Variants in DHX37 observed in about 807,000 individuals in gnomAD.
The protein encoded by DHX37 is DEAH-box helicase 37, also known as probable ATP-dependent RNA helicase DHX37.
DHX37 carries 52 observed loss-of-function variants against 134.3 expected under a neutral mutation model. That is an observed-to-expected ratio of 0.39 (90% CI 0.31 to 0.49). The LOEUF is 0.49. Ranked by LOEUF, DHX37 falls within the 20% of genes least tolerant of loss-of-function variation. The pLI is 0.93. For missense variants in DHX37, 1,344 were observed against 1,580.8 expected, an observed-to-expected ratio of 0.85 and a Z score of 2.54; for synonymous variants, 634 against 670.7, an observed-to-expected ratio of 0.95 and a Z score of 0.85.
chr12:124,952,017 G>GC (rs1163283011), intron 21 of DHX37, among the ~76,000 whole-genome samples: 2 of 151,970 alleles, frequency 1.3e-5, no homozygotes, highest in East Asian at 3.9e-4. Flanking sequence ...GTGGTGGTGT[G>GC]CCCCCTGCAG....
Position 124,947,374 on chromosome 12 carries a change from A to C in DHX37, c.*428T>G. 6.4e-6 allele frequency: 1 copy of C among 157,470 alleles called. No individual in the cohort carries two copies. Among genetic ancestry groups the C allele is most frequent in the East Asian group, 1.9e-4 (1 of 5,326 alleles). 9.8% of individuals were successfully genotyped at this position (157,470 alleles called of 1,614,324 possible). Reference sequence around the variant, plus strand: ...TAACATCTGGGACGGCTGTGAGGCCAGGGCTGGGCAGCCCTCCCTGACTCT... The same window carrying C: ...TAACATCTGGGACGGCTGTGAGGCCCGGGCTGGGCAGCCCTCCCTGACTCT... On this transcript the variant is annotated 3_prime_UTR_variant, in exon 27 of 27. Coordinates refer to ENST00000308736, the MANE Select transcript of DHX37 (RefSeq NM_032656.4).
chr12:124,986,361 C>G, intron 1 of DHX37, 96 bp from the exon 2 acceptor site: 1 of 1,347,354 alleles, frequency 7.4e-7, no homozygotes, highest in Admixed American at 2.1e-5. Flanking sequence ...CCTCCTGAGT[C>G]TGCACACAGG....
At chr12:124,981,274 A>G (rs1344048316) in intron 3 of DHX37, among the ~76,000 whole-genome samples, 3 of 152,092 alleles carry the variant, frequency 2.0e-5, no homozygotes, top group African/African-American at 7.2e-5. Context: ...ATAAACAGTC[A>G]CTAACTGACA....
At chr12:124,987,171 C>A (rs1271417649) in intron 1 of DHX37, among the ~76,000 whole-genome samples, 11 of 152,196 alleles carry the variant, frequency 7.2e-5, no homozygotes, top group African/African-American at 2.7e-4. Flanking sequence ...GGCAAAATCC[C>A]GTCTCTACAA....
intron 4 of DHX37, among the ~76,000 whole-genome samples, chr12:124,979,496 A>G (rs1428586702): frequency 1.3e-5 from 2 of 152,248 alleles, no homozygotes; most frequent in African/African-American, 4.8e-5. Context: ...GTGGGGAAAA[A>G]GTAAATGAGC....
Position 124,968,960 on chromosome 12 carries a change from C to T in DHX37, c.1200G>A (p.Leu400=). Reference sequence around the variant, plus strand: ...CCGACATGATGAGCAGCTTGAGTGGCAGGTTCCTCTGCAAAAGGACAGGCT... The same window carrying T: ...CCGACATGATGAGCAGCTTGAGTGGTAGGTTCCTCTGCAAAAGGACAGGCT... The part of the protein sequence containing the change: ...RIVTLRAKRN[L]PLKLLIMSAT... Residue 400 remains leucine (L), a synonymous_variant, in exon 9 of 27, where the codon CTG becomes CTA. Transcript: ENST00000308736. 1 of 1,613,736 alleles carries T rather than the reference C, an allele frequency of 6.2e-7. No homozygotes were observed.
chr12:124,968,432 G>A (rs1359164289), intron 10 of DHX37, 102 bp downstream of exon 10: 7 of 1,548,950 alleles, frequency 4.5e-6, no homozygotes, highest in East Asian at 4.5e-5. Flanking sequence ...CAGGGTCAAG[G>A]GACTTTTCTG....
intron 17 of DHX37, 60 bp from the exon 18 acceptor site, chr12:124,956,939 G>A: frequency 6.5e-7 from 1 of 1,541,474 alleles, no homozygotes; most frequent in Non-Finnish European, 8.8e-7. Context: ...ACAGCTGGGA[G>A]GCCCCACGCT....
At chr12:124,967,002 A>G (rs1451472853) in intron 11 of DHX37, 121 bp downstream of exon 11, 22 of 1,527,264 alleles carry the variant, frequency 1.4e-5, no homozygotes, top group Non-Finnish European at 2.0e-5. Context: ...GAGGTGGGGG[A>G]TGGCAAAGGT....
intron 8 of DHX37, 94 bp from the exon 9 acceptor site, chr12:124,969,062 C>T (rs377143031): frequency 6.9e-5 from 84 of 1,221,322 alleles, no homozygotes; most frequent in African/African-American, 6.7e-4. Flanking sequence ...CTGCCCACCC[C>T]GTTTCCAGCC....
chr12:124,967,141 A>T lies in DHX37; in HGVS notation c.1486T>A (p.Ser496Thr), dbSNP rs753934648. The change falls in exon 11 of 27, where the codon TCC becomes ACC. Residue 496 changes from serine to threonine, a missense_variant. Around this residue, in one of 7 missense-constraint regions of DHX37, gnomAD observed 289 missense variants for 323.8 expected, o/e 0.89. Coordinates refer to ENST00000308736, the MANE Select transcript of DHX37 (RefSeq NM_032656.4). ...CRRLRKAFPP[S>T]RARPQEKDDD... ...TCTTTACCTTGTGGCCGGGCTCTGG[A>T]GGGTGGGAAAGCCTTCCTGAGCCTG... 1.2e-6 allele frequency: 2 copies of T among 1,613,730 alleles called. No homozygotes were observed. Among genetic ancestry groups the T allele is most frequent in the South Asian group, 2.2e-5 (2 of 91,080 alleles).
Position 124,982,641 on chromosome 12 carries a change from T to C in DHX37, c.277-18A>G, listed in dbSNP as rs1954781801. 5.6e-6 allele frequency: 9 copies of C among 1,611,118 alleles called. No individual in the cohort carries two copies. The highest frequency in any genetic ancestry group is 3.3e-4 in the Middle Eastern group (2 of 6,018). ...TCTGCTCGCTGGGAAAGGAAACGAG[T>C]GTATTATGCATTTGCCATCACGACC... is the stretch of plus-strand genomic sequence containing the variant. On this transcript the variant is annotated intron_variant, in intron 2 of 26. Coordinates refer to ENST00000308736, the MANE Select transcript of DHX37 (RefSeq NM_032656.4).
In DHX37 at chr12:124,980,715, C is replaced by T. The variant is rs760096358; in HGVS notation, c.513G>A (p.Ser171=). Residue 171 remains serine (S), a synonymous_variant, in exon 4 of 27, where the codon TCG becomes TCA. Coordinates refer to ENST00000308736, the MANE Select transcript of DHX37 (RefSeq NM_032656.4). The surrounding 1 kb of genome is among the most constrained non-coding windows in gnomAD (Gnocchi z 5.3). Reference sequence around the variant, plus strand: ...CCAGCTCCGACTCCTCCTCCAGCTCCGATTCCGACTCCTCCTCCTCCTCCT... The same window carrying T: ...CCAGCTCCGACTCCTCCTCCAGCTCTGATTCCGACTCCTCCTCCTCCTCCT... ...EEEEEEEESE[S]ELEEESELDE... The T allele has an allele frequency of 1.7e-5, 26 of 1,565,148 alleles. No individual in the cohort carries two copies. Among genetic ancestry groups the T allele is most frequent in the East Asian group, 2.4e-5 (1 of 41,968 alleles).
intron 2 of DHX37, among the ~76,000 whole-genome samples, chr12:124,985,572 T>G (rs1446443990): frequency 1.2e-5 from 1 of 83,208 alleles, no homozygotes; most frequent in African/African-American, 5.8e-5. Context: ...CCGCCTCTAC[T>G]AAAAATACAA....
chr12:124,950,575 G>A, intron 22 of DHX37, 25 bp from the exon 23 acceptor site: 4 of 1,547,046 alleles, frequency 2.6e-6, no homozygotes, highest in Non-Finnish European at 2.6e-6. Flanking sequence ...AGGAAGCTGG[G>A]GTTACAGCGG....
At chr12:124,948,322 C>T (rs962661184) in intron 25 of DHX37, 141 bp from the exon 26 acceptor site, 30 of 1,399,566 alleles carry the variant, frequency 2.1e-5, no homozygotes, top group South Asian at 7.2e-5. Flanking sequence ...TGGTGACATG[C>T]ACCTGTAGCC....
At chr12:124,965,390 G>A (rs1954360999) in intron 13 of DHX37, among the ~76,000 whole-genome samples, 2 of 152,216 alleles carry the variant, frequency 1.3e-5, no homozygotes, top group African/African-American at 4.8e-5. Context: ...CAGGGCACTG[G>A]GTCTGCCTGC....
In DHX37 at chr12:124,950,488, T is replaced by C. The variant is rs533819369; in HGVS notation, c.3046A>G (p.Lys1016Glu). The change falls in exon 23 of 27, where the codon AAG (lysine) becomes GAG (glutamate). Residue 1016 changes from lysine to glutamate, a missense_variant. Coordinates refer to ENST00000308736, the MANE Select transcript of DHX37 (RefSeq NM_032656.4). ...GTAGGGGCTGGTTCCTCCAGGGGCT[T>C]GTCAAACTGGCAGTAAGAGGGCAGC... ...ALLPSYCQFD[K>E]PLEEPAPTYC... 9 of 1,574,410 alleles carry C rather than the reference T, an allele frequency of 5.7e-6. No homozygotes were observed. In the South Asian group the frequency reaches 8.2e-5, roughly 14 times the overall value.
chr12:124,972,457 C>T, intron 7 of DHX37, 46 bp downstream of exon 7: 1 of 1,601,912 alleles, frequency 6.2e-7, no homozygotes, highest in South Asian at 1.1e-5. Context: ...GCATCCCGCC[C>T]CCATGCCCAC....
Sources: gnomAD v4.1 joint callset for allele counts (sites outside exome capture counted in the v4.1 genomes callset) on GRCh38, gnomAD v4.1.1 for gene constraint, gnomAD v4.1.1 regional missense constraint, Gnocchi (gnomAD v3.1) non-coding constraint, MANE v1.5 for transcripts, NCBI Gene and HGNC (gene_info 2026-07-23, HGNC 2026-07-21) for gene names.